VSNL1: variants seen among roughly 807,000 people sequenced by gnomAD.
VSNL1 encodes the protein visinin like 1, also known as visinin-like protein 1.
Under a neutral mutation model 20.4 loss-of-function variants are expected in VSNL1, and 6 were observed. That is an observed-to-expected ratio of 0.29 (90% CI 0.16 to 0.58). VSNL1 has a LOEUF of 0.58. Among genes scored for constraint, VSNL1 ranks in the 20% least tolerant of loss-of-function variants. The probability of loss-of-function intolerance (pLI) is 0.90; values close to 1 mark genes in which losing one functional copy is unlikely to be tolerated. For synonymous variants in VSNL1, 93 were observed against 86.4 expected, an observed-to-expected ratio of 1.08 and a Z score of -0.42; for missense variants, 100 against 234.5, an observed-to-expected ratio of 0.43 and a Z score of 3.75.
At chr2:17,609,129 T>C (rs1665021229) in intron 2 of VSNL1, among the ~76,000 whole-genome samples, 1 of 152,116 alleles carries the variant, frequency 6.6e-6, no homozygotes, top group South Asian at 2.1e-4. Flanking sequence ...TCCAAGCCGG[T>C]TTGGTAGCTG....
At chr2:17,609,884 A>G (rs1380166872) in intron 2 of VSNL1, among the ~76,000 whole-genome samples, 3 of 152,222 alleles carry the variant, frequency 2.0e-5, no homozygotes, top group Non-Finnish European at 2.9e-5. Flanking sequence ...CCCCACTGCC[A>G]TCATCTCTAC....
intron 2 of VSNL1, among the ~76,000 whole-genome samples, chr2:17,599,924 A>G (rs1233156448): frequency 6.6e-6 from 1 of 152,182 alleles, no homozygotes; most frequent in African/African-American, 2.4e-5. Flanking sequence ...GTAGAGCAGA[A>G]TGCACATCAT....
intron 1 of VSNL1, among the ~76,000 whole-genome samples, chr2:17,585,506 C>A (rs994317604): frequency 6.6e-6 from 1 of 151,260 alleles, no homozygotes. Context: ...GGGGGTGGTG[C>A]TGGGGGTTGT....
In VSNL1 at chr2:17,605,829, T is replaced by A. The variant is rs115408321; in HGVS notation, c.162+13593T>A. Among the ~76,000 whole-genome samples, 1,258 of 152,298 alleles carry A rather than the reference T, an allele frequency of 8.3e-3. 11 individuals carry two copies. The highest frequency in any genetic ancestry group is 0.032 in the South Asian group (154 of 4,828). On this transcript the variant is annotated intron_variant, in intron 2 of 3. Transcript: ENST00000295156. ...AGGGAGTCTGGTTGGCTTTACCACA[T>A]AAAACACCATAGAAAACCAGATACT...
intron 2 of VSNL1, among the ~76,000 whole-genome samples, chr2:17,631,070 G>A (rs1380130663): frequency 6.6e-6 from 1 of 152,168 alleles, no homozygotes; most frequent in Non-Finnish European, 1.5e-5. Flanking sequence ...GTGAGCCACT[G>A]TGCGCAGCCC....
At chr2:17,555,260 G>A (rs1394213252) in intron 1 of VSNL1, among the ~76,000 whole-genome samples, 2 of 152,122 alleles carry the variant, frequency 1.3e-5, no homozygotes, top group African/African-American at 4.8e-5. Flanking sequence ...AGCATTATGA[G>A]CAGATGGCTG....
chr2:17,645,650 T>C (rs915750239), intron 2 of VSNL1, among the ~76,000 whole-genome samples: 1 of 152,112 alleles, frequency 6.6e-6, no homozygotes, highest in Non-Finnish European at 1.5e-5. Context: ...CACAACTAGA[T>C]AGATTACTGA....
At chr2:17,624,568 G>T (rs1665462182) in intron 2 of VSNL1, among the ~76,000 whole-genome samples, 2 of 152,194 alleles carry the variant, frequency 1.3e-5, no homozygotes, top group South Asian at 4.1e-4. Flanking sequence ...AGTGAAAGAG[G>T]GAGGCAGAAG....
At chr2:17,586,375 G>A (rs1238967426) in intron 1 of VSNL1, among the ~76,000 whole-genome samples, 1 of 152,218 alleles carries the variant, frequency 6.6e-6, no homozygotes, top group Non-Finnish European at 1.5e-5. Flanking sequence ...TATTTTTAAG[G>A]AAGAACCAAG....
At chr2:17,599,058 A>G (rs768729785) in intron 2 of VSNL1, among the ~76,000 whole-genome samples, 4 of 152,210 alleles carry the variant, frequency 2.6e-5, no homozygotes, top group Non-Finnish European at 5.9e-5. Flanking sequence ...GAGCACTTCT[A>G]TGTGCCAGGG....
chr2:17,563,574 TAC>T (rs1277910293), intron 1 of VSNL1, among the ~76,000 whole-genome samples: 2 of 151,650 alleles, frequency 1.3e-5, no homozygotes, highest in Non-Finnish European at 2.9e-5. Flanking sequence ...AAAAAAAAAA[TAC>T]AGTTTTAGCT....
chr2:17,570,653 A>T (rs921582686), intron 1 of VSNL1, among the ~76,000 whole-genome samples: 3 of 152,212 alleles, frequency 2.0e-5, no homozygotes, highest in African/African-American at 7.2e-5. Flanking sequence ...TATTACCTAC[A>T]TTATTTCTAA....
chr2:17,570,838 A>G (rs1664063122), intron 1 of VSNL1, among the ~76,000 whole-genome samples: 1 of 152,074 alleles, frequency 6.6e-6, no homozygotes, highest in South Asian at 2.1e-4. Context: ...TGAGGTCAGG[A>G]GTTCGAGGCC....
chr2:17,567,039 T>G (rs747303459), intron 1 of VSNL1, among the ~76,000 whole-genome samples: 1 of 152,152 alleles, frequency 6.6e-6, no homozygotes, highest in Non-Finnish European at 1.5e-5. Context: ...TTTAATGGAG[T>G]AGAACACTAT....
At chr2:17,588,371 G>A (rs1664525111) in intron 1 of VSNL1, among the ~76,000 whole-genome samples, 2 of 152,150 alleles carry the variant, frequency 1.3e-5, no homozygotes, top group African/African-American at 4.8e-5. Context: ...TTTTTAAATG[G>A]GGAAATGGAG....
At chr2:17,646,568 A>G (rs77281339) in intron 2 of VSNL1, among the ~76,000 whole-genome samples, 7,406 of 152,320 alleles carry the variant, frequency 0.049, 210 homozygotes, top group Middle Eastern at 0.1. Context: ...GTGAGAGAAC[A>G]CTAATACACA....
chr2:17,569,315 A>C (rs1449650884), intron 1 of VSNL1, among the ~76,000 whole-genome samples: 6 of 150,794 alleles, frequency 4.0e-5, no homozygotes, highest in Non-Finnish European at 8.9e-5. Context: ...TCAAAAAAAA[A>C]ATAAAAATAA....
chr2:17,594,658 C>G (rs1664672037), intron 2 of VSNL1, among the ~76,000 whole-genome samples: 1 of 152,190 alleles, frequency 6.6e-6, no homozygotes, highest in Non-Finnish European at 1.5e-5. Context: ...GCAAAGCTGA[C>G]TGCAGCCTCT....
intron 1 of VSNL1, among the ~76,000 whole-genome samples, chr2:17,551,220 TG>T (rs2103339013): frequency 6.6e-6 from 1 of 152,280 alleles, no homozygotes; most frequent in African/African-American, 2.4e-5. Flanking sequence ...TCCCCTTCTC[TG>T]CCCCCTCCCT....
Sources: allele counts gnomAD v4.1 joint callset (sites outside exome capture counted in the v4.1 genomes callset), GRCh38; gene constraint gnomAD v4.1.1; transcripts MANE v1.5; gene names NCBI Gene and HGNC (gene_info 2026-07-23, HGNC 2026-07-21).